PYY: variants seen among roughly 807,000 people sequenced by gnomAD.
PYY encodes peptide tyrosine tyrosine.
Under a neutral mutation model 10.3 loss-of-function variants are expected in PYY, and 12 were observed. The observed-to-expected ratio is 1.17, with a 90% CI of 0.75 to 1.89. The LOEUF (loss-of-function observed/expected upper bound fraction) is 1.89, where lower values mean the gene tolerates loss of function less well. PYY is among the 40% of genes most tolerant of loss of function. The pLI is 0.00. For synonymous variants in PYY, 66 were observed against 62.0 expected (o/e 1.06, Z -0.30); for missense variants, 141 against 134.0 (o/e 1.05, Z -0.26).
intron 1 of PYY, among the ~76,000 whole-genome samples, chr17:43,973,592 C>T (rs180998764): frequency 3.9e-5 from 6 of 152,244 alleles, no homozygotes; most frequent in African/African-American, 1.4e-4. Context: ...TCCAGGAGTT[C>T]GAGATCAGCC....
chr17:43,953,195 G>A lies in PYY; in HGVS notation c.189-6C>T, dbSNP rs750882364. ...GGCCGTCTCTTTTCCCATACCTGGGGGCGGGGAAGGGAAGAGCGTGGTCAG... is the reference window on the plus strand; with the variant it reads ...GGCCGTCTCTTTTCCCATACCTGGGAGCGGGGAAGGGAAGAGCGTGGTCAG... On this transcript the variant is annotated splice_polypyrimidine_tract_variant and splice_region_variant and intron_variant, in intron 2 of 3. Coordinates refer to ENST00000692052, the MANE Select transcript of PYY (RefSeq NM_001394028.1). 1.9e-6 allele frequency: 3 copies of A among 1,613,694 alleles called. No homozygotes were observed. The highest frequency in any genetic ancestry group is 2.5e-6 in the Non-Finnish European group (3 of 1,179,754).
intron 1 of PYY, among the ~76,000 whole-genome samples, chr17:43,972,896 G>T (rs2048804878): frequency 6.6e-6 from 1 of 151,912 alleles, no homozygotes; most frequent in African/African-American, 2.4e-5. Context: ...TGTATTTTTA[G>T]TAGAGACGGT....
At chr17:44,001,650 A>T (rs972695030) in intron 1 of PYY, among the ~76,000 whole-genome samples, 3 of 152,128 alleles carry the variant, frequency 2.0e-5, no homozygotes, top group Non-Finnish European at 4.4e-5. Context: ...GCCCTCTGGG[A>T]TGAAGCCCAA....
At chr17:43,997,940 T>A (rs1249550317) in intron 1 of PYY, among the ~76,000 whole-genome samples, 1 of 151,956 alleles carries the variant, frequency 6.6e-6, no homozygotes, top group East Asian at 1.9e-4. Context: ...AGATTGGTTT[T>A]TTTGTTTTTG....
chr17:43,982,691 T>A (rs1391373803), intron 1 of PYY, among the ~76,000 whole-genome samples: 1 of 152,186 alleles, frequency 6.6e-6, no homozygotes. Flanking sequence ...TTCAAGCTCA[T>A]GAAATGTCAT....
intron 1 of PYY, among the ~76,000 whole-genome samples, chr17:43,995,651 T>C (rs2048986571): frequency 6.7e-6 from 1 of 149,536 alleles, no homozygotes. Flanking sequence ...CTGACCAACA[T>C]GGTGAAACCC....
At chr17:43,972,126 C>T (rs1252406393) in intron 1 of PYY, among the ~76,000 whole-genome samples, 1 of 151,798 alleles carries the variant, frequency 6.6e-6, no homozygotes, top group Non-Finnish European at 1.5e-5. Context: ...GCTCATAAAG[C>T]TGTACACCAA....
intron 1 of PYY, among the ~76,000 whole-genome samples, chr17:44,003,761 C>T (rs1312198309): frequency 6.6e-6 from 1 of 151,130 alleles, no homozygotes; most frequent in Non-Finnish European, 1.5e-5. Context: ...AGTGGGAGGA[C>T]TGCTTGAGCT....
At chr17:43,977,107 A>ATCCTTCATC (rs2048854452) in intron 1 of PYY, among the ~76,000 whole-genome samples, 1 of 151,946 alleles carries the variant, frequency 6.6e-6, no homozygotes, top group African/African-American at 2.4e-5. Flanking sequence ...GACAGGCCCC[A>ATCCTTCATC]TCCTTCATCC....
intron 2 of PYY, among the ~76,000 whole-genome samples, chr17:43,963,570 AAAAG>A (rs1162426873): frequency 0.05 from 5,222 of 104,598 alleles, 155 homozygotes; most frequent in Non-Finnish European, 0.068. Flanking sequence ...GGAAGGAAGG[AAAAG>A]AAAGAAAGAA....
chr17:43,994,742 G>T (rs572835156), intron 1 of PYY, among the ~76,000 whole-genome samples: 2 of 152,072 alleles, frequency 1.3e-5, no homozygotes, highest in African/African-American at 2.4e-5. Context: ...TGATTCCCCC[G>T]TTAGGCTGCA....
At chr17:44,002,386 A>G (rs2143972582) in intron 1 of PYY, among the ~76,000 whole-genome samples, 1 of 152,308 alleles carries the variant, frequency 6.6e-6, no homozygotes, top group Middle Eastern at 3.4e-3. Context: ...GAAAGCAGGG[A>G]GGAGCAGGGG....
intron 1 of PYY, among the ~76,000 whole-genome samples, chr17:43,969,607 A>AATACTCTT (rs1193293508): frequency 6.6e-6 from 1 of 152,092 alleles, no homozygotes; most frequent in African/African-American, 2.4e-5. Flanking sequence ...ATTAAAAAAC[A>AATACTCTT]ATACTCTTAG....
At chr17:43,992,714 T>A (rs967590064) in intron 1 of PYY, among the ~76,000 whole-genome samples, 2 of 151,792 alleles carry the variant, frequency 1.3e-5, no homozygotes, top group East Asian at 1.9e-4. Context: ...TCAAAAAAAA[T>A]AATAATAATT....
At chr17:43,997,146 C>T (rs1267620524) in intron 1 of PYY, among the ~76,000 whole-genome samples, 1 of 151,984 alleles carries the variant, frequency 6.6e-6, no homozygotes, top group Non-Finnish European at 1.5e-5. Context: ...TCAAGTGATT[C>T]CCCGGCCTCA....
intron 1 of PYY, among the ~76,000 whole-genome samples, chr17:43,976,934 C>T (rs976447365): frequency 6.6e-6 from 1 of 152,164 alleles, no homozygotes; most frequent in Admixed American, 6.5e-5. Context: ...CACCTCACCC[C>T]ACCCTACCCG....
chr17:43,969,861 G>A (rs939830779), intron 1 of PYY, among the ~76,000 whole-genome samples: 1 of 151,570 alleles, frequency 6.6e-6, no homozygotes, highest in Non-Finnish European at 1.5e-5. Context: ...CTCTGCCTCA[G>A]CCTCCCGAGT....
In PYY at chr17:43,987,483, A is replaced by G. The variant is rs2048923052; in HGVS notation, c.-463+16908T>C. ...AGCCTCCCTGCTACTGATGGAATTC[A>G]GCTCGAAGATCAGACCTTGAGAGGT... On this transcript the variant is annotated intron_variant, in intron 1 of 6. Coordinates refer to the PYY transcript ENST00000360085. This position sits in a 1 kb window ranked among gnomAD's most constrained non-coding sequence, Gnocchi z 4.0. 6.6e-6 allele frequency among the ~76,000 whole-genome samples: 1 copy of G among 152,210 alleles called. No individual in the cohort carries two copies. The highest frequency in any genetic ancestry group is 1.5e-5 in the Non-Finnish European group (1 of 68,036).
At chr17:43,958,253 T>C (rs1292408401), upstream of PYY, among the ~76,000 whole-genome samples, 2 of 151,912 alleles carry the variant, frequency 1.3e-5, no homozygotes, top group Non-Finnish European at 1.5e-5. Flanking sequence ...TTTAGTTTAT[T>C]TCAACTGTTT....
Sources: gnomAD v4.1 joint callset for allele counts (sites outside exome capture counted in the v4.1 genomes callset) on GRCh38, gnomAD v4.1.1 for gene constraint, Gnocchi (gnomAD v3.1) non-coding constraint, MANE v1.5 for transcripts, NCBI Gene and HGNC (gene_info 2026-07-23, HGNC 2026-07-21) for gene names.